The following TCF7L2 variants were observed in gnomAD, a reference collection of about 807,000 sequenced individuals.
The protein encoded by TCF7L2 is transcription factor 7-like 2.
TCF7L2 carries 23 observed loss-of-function variants against 77.9 expected under a neutral mutation model. That is an observed-to-expected ratio of 0.30 (90% CI 0.21 to 0.42). The LOEUF (loss-of-function observed/expected upper bound fraction) is 0.42. Among genes scored for constraint, TCF7L2 ranks in the 10% least tolerant of loss-of-function variants. The pLI is 1.00. For missense variants in TCF7L2, 654 were observed against 793.1 expected, an observed-to-expected ratio of 0.82 and a Z score of 2.11; for synonymous variants, 413 against 340.2, an observed-to-expected ratio of 1.21 and a Z score of -2.36.
At chr10:113,092,011 T>C (rs1236905924) in intron 5 of TCF7L2, among the ~76,000 whole-genome samples, 1 of 152,222 alleles carries the variant, frequency 6.6e-6, no homozygotes, top group African/African-American at 2.4e-5. Context: ...ATATAGCTAT[T>C]CTCCCATCAG....
At chr10:112,964,677 G>T (rs1339576299) in intron 4 of TCF7L2, 53 bp downstream of exon 4, 1 of 1,508,442 alleles carries the variant, frequency 6.6e-7, no homozygotes, top group South Asian at 1.1e-5. Context: ...TAGGTCTCTT[G>T]TGTGTTTTAT....
Position 113,002,046 on chromosome 10 carries a change from G to A in TCF7L2, c.450+37422G>A, listed in dbSNP as rs191020535. On this transcript the variant is annotated intron_variant, in intron 4 of 13. Transcript: ENST00000627217. The stretch of plus-strand genomic sequence containing the variant: ...CACAGTACTACCCTCCACCAAGGAT[G>A]ATGATGAGAATTAAATGGGATGACA... Among the ~76,000 whole-genome samples the A allele has an allele frequency of 2.0e-5, 3 of 152,162 alleles. No individual in the cohort carries two copies. In the East Asian group the frequency reaches 5.8e-4, roughly 29 times the overall value.
In TCF7L2 at chr10:113,151,182, C is replaced by G. The variant is rs1316930384; in HGVS notation, c.1001+59C>G. 1.9e-6 allele frequency: 3 copies of G among 1,609,090 alleles called. No homozygotes were observed. Among genetic ancestry groups the G allele is most frequent in the African/African-American group, 2.7e-5 (2 of 74,850 alleles). On this transcript the variant is annotated intron_variant, in intron 9 of 13. Transcript: ENST00000627217. This position sits in a 1 kb window ranked among gnomAD's most constrained non-coding sequence, Gnocchi z 5.2. The stretch of plus-strand genomic sequence containing the variant: ...GCCGCAGTGTTCTGCAAGCCTGTTG[C>G]AGCTGCTGGGTGGTGGCTTTCTGCC...
At position 113,152,317 on chromosome 10, in the gene TCF7L2, C is replaced by T. The variant is rs1472931765; in HGVS notation, c.1162-16C>T. ...TTGTTCATGTCTTTCTCATCTGTAC[C>T]CCACGTCCCCTCCAGTGGCATGCAC... On this transcript the variant is annotated splice_polypyrimidine_tract_variant and intron_variant, in intron 10 of 13. Coordinates refer to ENST00000627217, the MANE Select transcript of TCF7L2 (RefSeq NM_001146274.2). 2 of 1,602,750 alleles carry T rather than the reference C, an allele frequency of 1.2e-6. No homozygotes were observed. Among genetic ancestry groups the T allele is most frequent in the Non-Finnish European group, 8.5e-7 (1 of 1,169,710 alleles).
At chr10:113,131,134 T>C (rs1000453585) in intron 5 of TCF7L2, among the ~76,000 whole-genome samples, 6 of 152,236 alleles carry the variant, frequency 3.9e-5, no homozygotes, top group Admixed American at 6.5e-5. Context: ...CCTTAATTAC[T>C]TTTATTATTT....
intron 5 of TCF7L2, among the ~76,000 whole-genome samples, chr10:113,102,951 C>A (rs556610352): frequency 6.6e-6 from 1 of 152,200 alleles, no homozygotes; most frequent in Non-Finnish European, 1.5e-5. Flanking sequence ...ATAAGCTAGT[C>A]GCTAACATGT....
chr10:113,032,396 T>A (rs2050394643), intron 4 of TCF7L2, among the ~76,000 whole-genome samples: 1 of 152,256 alleles, frequency 6.6e-6, no homozygotes, highest in African/African-American at 2.4e-5. Flanking sequence ...TTATTTGTTT[T>A]GCTTCATTGT....
At chr10:112,989,359 A>AT (rs1483591176) in intron 4 of TCF7L2, among the ~76,000 whole-genome samples, 43 of 150,874 alleles carry the variant, frequency 2.9e-4, no homozygotes, top group African/African-American at 1.0e-3. Flanking sequence ...GGAGTTCACC[A>AT]TTAAAAAAAA....
At chr10:113,018,796 G>A (rs114295880) in intron 4 of TCF7L2, among the ~76,000 whole-genome samples, 3 of 152,292 alleles carry the variant, frequency 2.0e-5, no homozygotes, top group Non-Finnish European at 2.9e-5. Flanking sequence ...GTTTGTGCCT[G>A]CTTTGGGGAT....
At chr10:113,093,959 T>C (rs1261768462) in intron 5 of TCF7L2, among the ~76,000 whole-genome samples, 1 of 152,214 alleles carries the variant, frequency 6.6e-6, no homozygotes, top group Non-Finnish European at 1.5e-5. Flanking sequence ...CTTCAGGGGT[T>C]CTATAAACTT....
At chr10:113,060,472 TG>T (rs942413767) in intron 5 of TCF7L2, among the ~76,000 whole-genome samples, 1 of 151,982 alleles carries the variant, frequency 6.6e-6, no homozygotes, top group Admixed American at 6.6e-5. Context: ...TTTTAATAAA[TG>T]GGGGGGTCAG....
At chr10:113,011,715 G>T (rs1256756978) in intron 4 of TCF7L2, among the ~76,000 whole-genome samples, 1 of 152,064 alleles carries the variant, frequency 6.6e-6, no homozygotes, top group Non-Finnish European at 1.5e-5. Flanking sequence ...TTTGAGTATT[G>T]CTCTTGAGTA....
chr10:113,121,549 T>A (rs2064775577), intron 5 of TCF7L2, among the ~76,000 whole-genome samples: 1 of 152,172 alleles, frequency 6.6e-6, no homozygotes, highest in Admixed American at 6.5e-5. Flanking sequence ...GAATTGCAAG[T>A]AGGTTAAGTG....
At chr10:113,144,108 G>GTC in intron 7 of TCF7L2, 83 bp downstream of exon 7, 2 of 364,822 alleles carry the variant, frequency 5.5e-6, no homozygotes, top group South Asian at 5.1e-5. Context: ...GTCTGTGTGT[G>GTC]TGTGTGTGTG....
chr10:112,989,962 C>G (rs1384104894), intron 4 of TCF7L2, among the ~76,000 whole-genome samples: 2 of 152,098 alleles, frequency 1.3e-5, no homozygotes, highest in African/African-American at 4.8e-5. Context: ...TCCCCCTCCT[C>G]CTTTCATTGA....
intron 5 of TCF7L2, among the ~76,000 whole-genome samples, chr10:113,060,428 C>T (rs946634597): frequency 1.3e-5 from 2 of 152,018 alleles, no homozygotes; most frequent in African/African-American, 2.4e-5. Flanking sequence ...TCTTCAGGAC[C>T]GAATGCACTC....
At chr10:113,149,145 T>C (rs1425670925) in intron 8 of TCF7L2, among the ~76,000 whole-genome samples, 1 of 152,230 alleles carries the variant, frequency 6.6e-6, no homozygotes, top group Non-Finnish European at 1.5e-5. Flanking sequence ...CACATGTTCT[T>C]AACTTCTGTT....
At chr10:112,961,102 C>G (rs527875751) in intron 3 of TCF7L2, among the ~76,000 whole-genome samples, 1 of 152,120 alleles carries the variant, frequency 6.6e-6, no homozygotes, top group Non-Finnish European at 1.5e-5. Flanking sequence ...CAACCTCCCC[C>G]TCCCGGGTTC....
chr10:113,077,703 T>C (rs2058845271), intron 5 of TCF7L2, among the ~76,000 whole-genome samples: 2 of 70,008 alleles, frequency 2.9e-5, no homozygotes, highest in Non-Finnish European at 6.0e-5. Flanking sequence ...TCTTTTCTTC[T>C]TTTTTTTTTT....
Sources: allele counts gnomAD v4.1 joint callset (sites outside exome capture counted in the v4.1 genomes callset), GRCh38; gene constraint gnomAD v4.1.1; non-coding constraint Gnocchi (gnomAD v3.1); transcripts MANE v1.5; gene names NCBI Gene and HGNC (gene_info 2026-07-23, HGNC 2026-07-21).